Variants in YTHDC2 observed in about 807,000 individuals in gnomAD.
YTHDC2 encodes YTH N6-methyladenosine RNA binding protein C2, also known as 3'-5' RNA helicase YTHDC2.
In YTHDC2, 45 loss-of-function variants were observed where a neutral mutation model predicts 174.9. The ratio of observed to expected loss-of-function variants is 0.26; its 90% CI spans 0.20 to 0.33. The LOEUF (loss-of-function observed/expected upper bound fraction) is 0.33. Ranked by LOEUF, YTHDC2 falls within the 10% of genes least tolerant of loss-of-function variation. The pLI, the probability that YTHDC2 is intolerant of heterozygous loss-of-function variation, is 1.00. For missense variants in YTHDC2, 1,650 were observed against 1,723.7 expected (o/e 0.96, Z 0.76); for synonymous variants, 657 against 574.5 (o/e 1.14, Z -2.05).
In YTHDC2 at chr5:113,566,037, A is replaced by G. The variant is rs1342843365; in HGVS notation, c.2842+18A>G. On this transcript the variant is annotated intron_variant, in intron 21 of 29. Transcript: ENST00000161863. ...AGCATCAGGTAAAGTTTTTCCCTCA[A>G]AGAGCCTATTTAAGTTACTGAGAGT... is the stretch of plus-strand genomic sequence containing the variant. 1 of 1,591,440 alleles carries G rather than the reference A, an allele frequency of 6.3e-7. No homozygotes were observed.
At chr5:113,515,470 T>C (rs997697827) in intron 2 of YTHDC2, 108 bp downstream of exon 2, 1 of 888,360 alleles carries the variant, frequency 1.1e-6, no homozygotes. Context: ...AACTTCACAT[T>C]CTTAATTGTA....
intron 22 of YTHDC2, 145 bp downstream of exon 22, chr5:113,567,442 A>G (rs1254685611): frequency 2.1e-6 from 1 of 473,780 alleles, no homozygotes; most frequent in East Asian, 4.7e-5. Flanking sequence ...AAATATTGGA[A>G]CAAAACTTAT....
chr5:113,587,835 A>G (rs905934551), intron 26 of YTHDC2, among the ~76,000 whole-genome samples: 2 of 151,702 alleles, frequency 1.3e-5, no homozygotes, highest in Admixed American at 6.6e-5. Context: ...CATTGAATCT[A>G]TAGATCAATT....
At chr5:113,561,239 G>A in intron 18 of YTHDC2, 54 bp downstream of exon 18, 2 of 1,391,996 alleles carry the variant, frequency 1.4e-6, no homozygotes, top group Non-Finnish European at 1.0e-6. Context: ...GAAGTGAGGG[G>A]CCATTTCAAC....
chr5:113,524,330 A>G (rs1314639329), intron 2 of YTHDC2, among the ~76,000 whole-genome samples: 2 of 152,174 alleles, frequency 1.3e-5, no homozygotes, highest in Non-Finnish European at 2.9e-5. Context: ...TCAGTCCTGG[A>G]CCAGTTGAGG....
intron 27 of YTHDC2, 106 bp from the exon 28 acceptor site, chr5:113,591,890 A>T: frequency 1.1e-6 from 1 of 878,600 alleles, no homozygotes; most frequent in East Asian, 3.1e-5. Context: ...TTTCAATATT[A>T]TATCTTAATC....
chr5:113,553,375 C>G lies in YTHDC2; in HGVS notation c.1867+16C>G, dbSNP rs1400699946. On this transcript the variant is annotated intron_variant, in intron 13 of 29. Transcript: ENST00000161863. The stretch of plus-strand genomic sequence containing the variant: ...TGTGATGCTGGTAAATACGTGTTGT[C>G]TAAAAGAACTGGAGCAAAATATATA... 7 of 1,578,492 alleles carry G rather than the reference C, an allele frequency of 4.4e-6. No individual in the cohort carries two copies. Among genetic ancestry groups the G allele is most frequent in the Non-Finnish European group, 6.0e-6 (7 of 1,168,464 alleles).
rs77578570 is a variant in YTHDC2 at position 113,554,347 on chromosome 5, T to C, written c.2133+325T>C. Among the ~76,000 whole-genome samples, 978 of 152,206 alleles carry C rather than the reference T, an allele frequency of 6.4e-3. 7 individuals carry two copies. The highest frequency in any genetic ancestry group is 0.022 in the African/African-American group (909 of 41,562). On this transcript the variant is annotated intron_variant, in intron 16 of 29. Transcript: ENST00000161863. ...AGAAAGTAAAGGGTTTGGTTAGTTA[T>C]AGTGAAAATGTTGTCACACAGTATG...
At chr5:113,553,012 T>C (rs1776350941) in intron 12 of YTHDC2, among the ~76,000 whole-genome samples, 169 bp from the exon 13 acceptor site, 1 of 152,074 alleles carries the variant, frequency 6.6e-6, no homozygotes, top group South Asian at 2.1e-4. Flanking sequence ...CATTGCCAAA[T>C]TTTACTTTGA....
chr5:113,561,149 A>C lies in YTHDC2; in HGVS notation c.2286A>C (p.Glu762Asp). 1 of 1,613,214 alleles carries C rather than the reference A, an allele frequency of 6.2e-7. No individual in the cohort carries two copies. The highest frequency in any genetic ancestry group is 8.5e-7 in the Non-Finnish European group (1 of 1,179,472). ...FSRLRFQNML[E>D]FQTPELLRMP... is the part of the protein sequence containing the mutation. ...GACTCCGATTCCAGAATATGTTGGA[A>C]TTTCAGACTCCGGAACTTTTGAGAA... The change falls in exon 18 of 30, where the codon GAA becomes GAC. Residue 762 changes from glutamate to aspartate, a missense_variant. Glu to Asp is a conservative substitution (Grantham distance 45). Coordinates refer to ENST00000161863, the MANE Select transcript of YTHDC2 (RefSeq NM_022828.5).
rs1199043572 is a variant in YTHDC2, at chr5:113,541,229, T to C, written c.1359+113T>C. 4.2e-6 allele frequency: 5 copies of C among 1,194,548 alleles called. No individual in the cohort carries two copies. The East Asian group carries it at 7.4e-5, about 18-fold the overall frequency. The allele number at this position is 1,194,548 out of a possible 1,614,324, so 74.0% of individuals were successfully genotyped here. A position where few individuals can be genotyped will look rare whatever the true frequency, so the allele number is the denominator to read the frequency against. On this transcript the variant is annotated intron_variant, in intron 9 of 29. Transcript: ENST00000161863. ...TTTTTTGAGATGGAGTCTGGCTCTGTGGCCCAGGCTGGAGTGGAGTGGCGT... is the reference window on the plus strand; with the variant it reads ...TTTTTTGAGATGGAGTCTGGCTCTGCGGCCCAGGCTGGAGTGGAGTGGCGT...
At chr5:113,517,618 C>T (rs1451696218) in intron 2 of YTHDC2, 5 of 456,100 alleles carry the variant, frequency 1.1e-5, no homozygotes, top group Admixed American at 9.4e-5. Flanking sequence ...GGCAATCCTG[C>T]CTATTTATCC....
intron 2 of YTHDC2, among the ~76,000 whole-genome samples, chr5:113,522,338 T>C (rs1363367422): frequency 6.6e-6 from 1 of 152,142 alleles, no homozygotes; most frequent in Non-Finnish European, 1.5e-5. Context: ...AATTAGTAAA[T>C]TGATTAATGT....
In YTHDC2 at chr5:113,588,640, T is replaced by A. The variant is rs552355888; in HGVS notation, c.3826-2401T>A. Among the ~76,000 whole-genome samples, 19 of 151,500 alleles carry A rather than the reference T, an allele frequency of 1.3e-4. No homozygotes were observed. In the South Asian group the frequency reaches 3.9e-3, roughly 31 times the overall value. ...TTTATTTATTTATATTATTTTTTTT[T>A]GAGACAGAGTCTCACTCTGCCACCC... On this transcript the variant is annotated intron_variant, in intron 26 of 29. Coordinates refer to ENST00000161863, the MANE Select transcript of YTHDC2 (RefSeq NM_022828.5).
chr5:113,572,985 G>A (rs1322587719), intron 23 of YTHDC2, among the ~76,000 whole-genome samples: 2 of 152,112 alleles, frequency 1.3e-5, no homozygotes, highest in African/African-American at 2.4e-5. Context: ...GTTATGTATT[G>A]TTATGTGTGA....
chr5:113,550,153 CA>C (rs1391489231), intron 12 of YTHDC2, among the ~76,000 whole-genome samples: 26 of 149,578 alleles, frequency 1.7e-4, no homozygotes, highest in African/African-American at 6.4e-4. Flanking sequence ...AGGTACAGCA[CA>C]GGGGATAGGT....
At chr5:113,540,776 C>T (rs1445661938) in intron 8 of YTHDC2, among the ~76,000 whole-genome samples, 192 bp from the exon 9 acceptor site, 1 of 152,132 alleles carries the variant, frequency 6.6e-6, no homozygotes, top group Non-Finnish European at 1.5e-5. Context: ...AGTTTTCAAG[C>T]AGTTTCATGT....
intron 16 of YTHDC2, among the ~76,000 whole-genome samples, chr5:113,554,287 T>C (rs1003532569): frequency 2.0e-5 from 3 of 152,040 alleles, no homozygotes; most frequent in African/African-American, 4.8e-5. Context: ...TAACAAAGTA[T>C]ACAAAAATGT....
At position 113,515,300 on chromosome 5, in the gene YTHDC2, T is replaced by C. The variant is rs765981025; in HGVS notation, c.216T>C (p.Ser72=). The C allele has an allele frequency of 5.6e-6, 9 of 1,612,630 alleles. No homozygotes were observed. The highest frequency in any genetic ancestry group is 2.7e-5 in the African/African-American group (2 of 74,894). Residue 72 remains serine, a synonymous_variant, in exon 2 of 30, where the codon AGT becomes AGC. Coordinates refer to ENST00000161863, the MANE Select transcript of YTHDC2 (RefSeq NM_022828.5). ...TGGAATTTCCTTCTTCTTTGACCAG[T>C]ACTGAAAGAGCCTTTATTCATCGAC... ...REMEFPSSLT[S]TERAFIHRLS... is the part of the protein sequence containing the mutation.
Sources: gnomAD v4.1 joint callset for allele counts (sites outside exome capture counted in the v4.1 genomes callset) on GRCh38, gnomAD v4.1.1 for gene constraint, MANE v1.5 for transcripts, NCBI Gene and HGNC (gene_info 2026-07-23, HGNC 2026-07-21) for gene names.